KDM4B: variants seen among roughly 807,000 people sequenced by gnomAD.
KDM4B encodes lysine demethylase 4B, also known as lysine-specific demethylase 4B.
Under a neutral mutation model 125.2 loss-of-function variants are expected in KDM4B, and 32 were observed. The observed-to-expected ratio is 0.26, with a 90% CI of 0.19 to 0.34. The LOEUF is 0.34. KDM4B is among the 10% of genes least tolerant of loss of function. The pLI is 1.00. For synonymous variants in KDM4B, 721 were observed against 677.9 expected (o/e 1.06, Z -0.99); for missense variants, 1,190 against 1,577.7 (o/e 0.75, Z 4.16).
At chr19:5,045,011 T>TGGAAGG (rs2036979763) in intron 5 of KDM4B, among the ~76,000 whole-genome samples, 1 of 152,222 alleles carries the variant, frequency 6.6e-6, no homozygotes. Flanking sequence ...AAAGGACCCT[T>TGGAAGG]CCAAGTTTGG....
At chr19:5,041,824 G>C (rs1279370590) in intron 5 of KDM4B, among the ~76,000 whole-genome samples, 1 of 152,266 alleles carries the variant, frequency 6.6e-6, no homozygotes, top group African/African-American at 2.4e-5. Context: ...GTGGGCCTGC[G>C]TGGCGGGTGT....
In KDM4B at chr19:5,048,875, C is replaced by G. The variant is rs957013759; in HGVS notation, c.626+1206C>G. ...TGTGGGGCGGGAAGTGGCGAGCAGC[C>G]GGCAAGGAGGCCCAGCCAGACAGAA... is the stretch of plus-strand genomic sequence containing the variant. On this transcript the variant is annotated intron_variant, in intron 6 of 22. Coordinates refer to ENST00000159111, the MANE Select transcript of KDM4B (RefSeq NM_015015.3). Among the ~76,000 whole-genome samples, 3 of 152,138 alleles carry G rather than the reference C, an allele frequency of 2.0e-5. No homozygotes were observed. The East Asian group carries it at 5.8e-4, about 29-fold the overall frequency.
chr19:5,117,558 C>T (rs536011833), intron 10 of KDM4B, among the ~76,000 whole-genome samples: 3 of 152,282 alleles, frequency 2.0e-5, no homozygotes, highest in Admixed American at 1.3e-4. Flanking sequence ...CGGTCTGAAG[C>T]TTCCTCCTCC....
chr19:5,038,804 C>T (rs1032524964), intron 3 of KDM4B, among the ~76,000 whole-genome samples: 2 of 152,254 alleles, frequency 1.3e-5, no homozygotes, highest in East Asian at 1.9e-4. Flanking sequence ...TGCACAGTGC[C>T]CAGCTCCGCA....
chr19:5,089,684 C>T (rs2038625533), intron 9 of KDM4B, among the ~76,000 whole-genome samples: 3 of 143,322 alleles, frequency 2.1e-5, no homozygotes, highest in African/African-American at 2.6e-5. Flanking sequence ...CAATATGGTT[C>T]TGTCTTTTTT....
At chr19:5,147,459 A>G (rs1432127964) in intron 21 of KDM4B, among the ~76,000 whole-genome samples, 3 of 152,160 alleles carry the variant, frequency 2.0e-5, no homozygotes, top group African/African-American at 7.2e-5. Context: ...AAATGAGATG[A>G]TGCCAGCCAG....
intron 9 of KDM4B, among the ~76,000 whole-genome samples, chr19:5,109,279 G>A (rs375914585): frequency 5.3e-5 from 8 of 152,144 alleles, no homozygotes; most frequent in South Asian, 2.1e-4. Flanking sequence ...CTTCCTGGCC[G>A]CCTCCTGGGA....
chr19:5,020,825 A>G (rs546499108), intron 2 of KDM4B, among the ~76,000 whole-genome samples: 2 of 152,272 alleles, frequency 1.3e-5, no homozygotes, highest in African/African-American at 4.8e-5. Flanking sequence ...GTGCACACGG[A>G]TAGGTGTCAG....
intron 9 of KDM4B, among the ~76,000 whole-genome samples, chr19:5,090,493 CCCCTCTCGCCCCCTCTCTCT>C (rs2038669044): frequency 3.9e-5 from 2 of 51,736 alleles, no homozygotes; most frequent in Non-Finnish European, 8.3e-5. Flanking sequence ...TCTTTCTCTC[CCCCTCTCGCCCCCTCTCTCT>C]CCCTCTCCCC....
chr19:5,106,140 T>G (rs2039029064), intron 9 of KDM4B, among the ~76,000 whole-genome samples: 1 of 152,228 alleles, frequency 6.6e-6, no homozygotes, highest in Admixed American at 6.5e-5. Context: ...TGAGGACGTT[T>G]CTGTCATTGA....
intron 6 of KDM4B, among the ~76,000 whole-genome samples, chr19:5,066,331 C>A (rs1055610486): frequency 1.3e-5 from 2 of 152,062 alleles, no homozygotes; most frequent in Non-Finnish European, 2.9e-5. Context: ...GCCCACCCAC[C>A]CACTGCCCCT....
intron 1 of KDM4B, among the ~76,000 whole-genome samples, chr19:4,998,447 G>T: frequency 6.6e-6 from 1 of 152,106 alleles, no homozygotes; most frequent in East Asian, 1.9e-4. Flanking sequence ...CCCATGTGGC[G>T]ACATTCCCTG....
chr19:5,130,225 C>G (rs1395154920), intron 11 of KDM4B, among the ~76,000 whole-genome samples: 1 of 152,184 alleles, frequency 6.6e-6, no homozygotes, highest in African/African-American at 2.4e-5. Flanking sequence ...CCCACAGAGT[C>G]CCCTCTGCCA....
chr19:5,007,542 C>CTTTT (rs10536135), intron 1 of KDM4B, among the ~76,000 whole-genome samples: 21 of 100,750 alleles, frequency 2.1e-4, no homozygotes, highest in South Asian at 3.4e-4. Context: ...TTCTCTCTCT[C>CTTTT]TTTTTTTTTT....
Position 5,097,771 on chromosome 19 carries a change from G to A in KDM4B, c.919-12851G>A, listed in dbSNP as rs557750686. Among the ~76,000 whole-genome samples, 4 of 152,374 alleles carry A rather than the reference G, an allele frequency of 2.6e-5. No homozygotes were observed. In the South Asian group the frequency reaches 8.3e-4, roughly 32 times the overall value. ...CTTCTGGAGCTGGGTACTGGGTGCA[G>A]TGTTGGCTGTTCCAGAAAGTCTATG... On this transcript the variant is annotated intron_variant, in intron 9 of 22. Transcript: ENST00000159111.
chr19:5,034,544 A>G (rs941169316), intron 3 of KDM4B, among the ~76,000 whole-genome samples: 3 of 152,216 alleles, frequency 2.0e-5, no homozygotes, highest in African/African-American at 7.2e-5. Context: ...GAAAACAAAC[A>G]AACAAAAGCC....
chr19:5,075,080 T>A (rs1488873884), intron 7 of KDM4B: 2 of 152,392 alleles, frequency 1.3e-5, no homozygotes, highest in Non-Finnish European at 2.9e-5. Flanking sequence ...CCGCAGTCTG[T>A]GCTGGAGCCG....
chr19:5,057,239 G>A (rs1017396554), intron 6 of KDM4B, among the ~76,000 whole-genome samples: 14 of 152,220 alleles, frequency 9.2e-5, no homozygotes, highest in Admixed American at 6.5e-5. Context: ...GCCAGGCCGC[G>A]TGTGCCTGTG....
chr19:5,079,375 C>T (rs142791617), intron 8 of KDM4B, among the ~76,000 whole-genome samples: 4 of 152,282 alleles, frequency 2.6e-5, no homozygotes, highest in East Asian at 1.9e-4. Context: ...GAGTGTGGAA[C>T]GAAGCCACCA....
Sources: gnomAD v4.1 joint callset for allele counts (sites outside exome capture counted in the v4.1 genomes callset) on GRCh38, gnomAD v4.1.1 for gene constraint, MANE v1.5 for transcripts, NCBI Gene and HGNC (gene_info 2026-07-23, HGNC 2026-07-21) for gene names.